The following KIF21A variants were observed in gnomAD, a reference collection of about 807,000 sequenced individuals.
KIF21A encodes kinesin-like protein KIF21A.
In KIF21A, 114 loss-of-function variants were observed where a neutral mutation model predicts 202.9. The observed-to-expected ratio is 0.56, with a 90% CI of 0.48 to 0.66. The LOEUF (loss-of-function observed/expected upper bound fraction) is 0.66, where lower values mean the gene tolerates loss of function less well. Among genes scored for constraint, KIF21A ranks in the 30% least tolerant of loss-of-function variants. KIF21A has a pLI of 0.00. For missense variants in KIF21A, 1,677 were observed against 1,994.9 expected, an observed-to-expected ratio of 0.84 and a Z score of 3.04; for synonymous variants, 667 against 670.8, an observed-to-expected ratio of 0.99 and a Z score of 0.09.
At chr12:39,390,178 T>C (rs1951245188) in intron 1 of KIF21A, among the ~76,000 whole-genome samples, 1 of 152,184 alleles carries the variant, frequency 6.6e-6, no homozygotes, top group Non-Finnish European at 1.5e-5. Flanking sequence ...CTATGGAAAC[T>C]ATTCAAAATG....
At chr12:39,315,180 C>T (rs772854706) in intron 31 of KIF21A, 49 bp downstream of exon 31, 29 of 1,568,704 alleles carry the variant, frequency 1.8e-5, no homozygotes, top group South Asian at 3.3e-5. Context: ...CCTGTAAGGT[C>T]TTTTGATACT....
At chr12:39,413,137 C>G (rs1028487154) in intron 1 of KIF21A, among the ~76,000 whole-genome samples, 1 of 152,134 alleles carries the variant, frequency 6.6e-6, no homozygotes, top group Admixed American at 6.5e-5. Flanking sequence ...GGTCAAACAT[C>G]CACTTAATTT....
chr12:39,413,168 T>C (rs1024654895), intron 1 of KIF21A, among the ~76,000 whole-genome samples: 7 of 152,226 alleles, frequency 4.6e-5, no homozygotes, highest in African/African-American at 1.7e-4. Context: ...ACTGAACTTC[T>C]TCTTTATAAA....
intron 1 of KIF21A, among the ~76,000 whole-genome samples, chr12:39,373,615 A>G (rs1452293714): frequency 6.6e-6 from 1 of 152,208 alleles, no homozygotes; most frequent in Non-Finnish European, 1.5e-5. Context: ...ACTACTTAAT[A>G]TCAGTGTGCC....
At chr12:39,438,833 A>G (rs1028936846) in intron 1 of KIF21A, among the ~76,000 whole-genome samples, 2 of 152,208 alleles carry the variant, frequency 1.3e-5, no homozygotes, top group Non-Finnish European at 2.9e-5. Context: ...TAAGGAAGAG[A>G]AAGGAACACA....
At chr12:39,440,877 G>A (rs1275832909) in intron 1 of KIF21A, among the ~76,000 whole-genome samples, 1 of 152,016 alleles carries the variant, frequency 6.6e-6, no homozygotes, top group Non-Finnish European at 1.5e-5. Flanking sequence ...TAGCCAAGCA[G>A]TGTGGCACAT....
chr12:39,298,007 A>G (rs1191985638), intron 37 of KIF21A, among the ~76,000 whole-genome samples: 1 of 151,930 alleles, frequency 6.6e-6, no homozygotes, highest in Non-Finnish European at 1.5e-5. Context: ...ACTACTAGCC[A>G]TGACAGAGTA....
chr12:39,341,908 G>T, intron 13 of KIF21A, 126 bp downstream of exon 13: 2 of 742,634 alleles, frequency 2.7e-6, no homozygotes, highest in South Asian at 3.1e-5. Flanking sequence ...CATCTTCAAA[G>T]AAATAGATTA....
chr12:39,311,408 T>C lies in KIF21A; in HGVS notation c.4096+9A>G. On this transcript the variant is annotated intron_variant, in intron 32 of 37. Coordinates refer to ENST00000361418, the MANE Select transcript of KIF21A (RefSeq NM_001173464.2). ...CTATTAAATATCTGCATTAGATAAC[T>C]ACTAGCACCTTTTGATCCAGTGAAG... The C allele has an allele frequency of 6.2e-7, 1 of 1,612,046 alleles. No individual in the cohort carries two copies. Among genetic ancestry groups the C allele is most frequent in the Non-Finnish European group, 8.5e-7 (1 of 1,178,370 alleles).
At position 39,307,563 on chromosome 12, in the gene KIF21A, A is replaced by G; in HGVS notation, c.4442+2T>C. The G allele has an allele frequency of 1.2e-6, 2 of 1,613,470 alleles. No individual in the cohort carries two copies. Among genetic ancestry groups the G allele is most frequent in the East Asian group, 2.2e-5 (1 of 44,856 alleles). ...GAGGTATGTTTTCTTAAAAATATCT[A>G]CCTTTTAAGATCCCACATCCTGACA... On this transcript the variant is annotated splice_donor_variant, in intron 34 of 37. Transcript: ENST00000361418. LOFTEE classifies it high-confidence loss of function.
At position 39,416,633 on chromosome 12, in the gene KIF21A, A is replaced by G. The variant is rs112856702; in HGVS notation, c.44+26294T>C. Among the ~76,000 whole-genome samples the G allele has an allele frequency of 2.7e-3, 252 of 92,240 alleles. 5 individuals carry two copies. Among genetic ancestry groups the G allele is most frequent in the African/African-American group, 8.9e-3 (188 of 21,176 alleles). 60.5% of individuals were successfully genotyped at this position (92,240 alleles called of 152,430 possible). On this transcript the variant is annotated intron_variant, in intron 1 of 37. Transcript: ENST00000361418. Reference sequence around the variant, plus strand: ...TATATATATGTACATATATATGTGTATATATATATATGTACATATATATGT... The same window carrying G: ...TATATATATGTACATATATATGTGTGTATATATATATGTACATATATATGT...
At position 39,340,327 on chromosome 12, in the gene KIF21A, T is replaced by C. The variant is rs756413250; in HGVS notation, c.2148A>G (p.Lys716=). The part of the protein sequence containing the change: ...VESYSEEKAK[K]VRSEYEKKLQ... The stretch of plus-strand genomic sequence containing the variant: ...GTTTCTTTTCATATTCAGACCTAAC[T>C]TTTTTTGCTTTTTCTTCTGAGTAAG... The change falls in exon 16 of 38, where the codon AAA becomes AAG. Residue 716 remains lysine (K), a synonymous_variant. Transcript: ENST00000361418. 10 of 1,609,938 alleles carry C rather than the reference T, an allele frequency of 6.2e-6. No individual in the cohort carries two copies. In the Admixed American group the frequency reaches 1.5e-4, roughly 24 times the overall value.
At chr12:39,366,901 T>C in intron 5 of KIF21A, 129 bp downstream of exon 5, 3 of 927,030 alleles carry the variant, frequency 3.2e-6, no homozygotes, top group South Asian at 1.5e-5. Flanking sequence ...TTAACTAGGA[T>C]CAGAAAAGGA....
intron 1 of KIF21A, among the ~76,000 whole-genome samples, chr12:39,399,176 A>G (rs1276249781): frequency 6.6e-6 from 1 of 152,262 alleles, no homozygotes; most frequent in East Asian, 1.9e-4. Context: ...CCAAGATCAC[A>G]GCAAGATTCC....
intron 1 of KIF21A, among the ~76,000 whole-genome samples, chr12:39,399,713 C>T (rs1376858729): frequency 6.6e-6 from 1 of 152,176 alleles, no homozygotes; most frequent in African/African-American, 2.4e-5. Flanking sequence ...GCCAGGCATA[C>T]TTGCCCCTGT....
intron 36 of KIF21A, among the ~76,000 whole-genome samples, chr12:39,302,311 T>A (rs1943038063): frequency 6.6e-6 from 1 of 150,552 alleles, no homozygotes. Flanking sequence ...ATTTTTCTAT[T>A]AATATTTATG....
Position 39,332,090 on chromosome 12 carries a change from C to G in KIF21A, c.3051+124G>C, listed in dbSNP as rs1045189290. ...GCAGGAAGTGGCATACATGTAAAAC[C>G]TAAGCATTAGATTAGACCAGGAAAT... On this transcript the variant is annotated intron_variant, in intron 21 of 37. Coordinates refer to ENST00000361418, the MANE Select transcript of KIF21A (RefSeq NM_001173464.2). 35 of 889,016 alleles carry G rather than the reference C, an allele frequency of 3.9e-5. No individual in the cohort carries two copies. In the Admixed American group the frequency reaches 6.7e-4, roughly 17 times the overall value. The allele number at this position is 889,016 out of a possible 1,614,324, so 55.1% of individuals were successfully genotyped here.
In KIF21A at chr12:39,443,082, C is replaced by G; in HGVS notation, c.-112G>C. ...GCTGGGGCGTCTGCGGGCGGGCGGCCGGCTCACCTCCGCCGCGCTCCAGCC... is the reference window on the plus strand; with the variant it reads ...GCTGGGGCGTCTGCGGGCGGGCGGCGGGCTCACCTCCGCCGCGCTCCAGCC... On this transcript the variant is annotated 5_prime_UTR_variant, in exon 1 of 38. Coordinates refer to ENST00000361418, the MANE Select transcript of KIF21A (RefSeq NM_001173464.2). 2 of 1,087,374 alleles carry G rather than the reference C, an allele frequency of 1.8e-6. No individual in the cohort carries two copies. Among genetic ancestry groups the G allele is most frequent in the Non-Finnish European group, 2.5e-6 (2 of 812,428 alleles). The allele number at this position is 1,087,374 out of a possible 1,614,324, so 67.4% of individuals were successfully genotyped here. A position where few individuals can be genotyped will look rare whatever the true frequency, so the allele number is the denominator to read the frequency against.
intron 32 of KIF21A, 44 bp downstream of exon 32, chr12:39,311,372 TA>T (rs78152306): frequency 1.6e-4 from 242 of 1,518,794 alleles, no homozygotes; most frequent in Middle Eastern, 4.3e-4. Flanking sequence ...TAATTTTTTT[TA>T]AAAAAAAAGC....
Sources: gnomAD v4.1 joint callset for allele counts (sites outside exome capture counted in the v4.1 genomes callset) on GRCh38, gnomAD v4.1.1 for gene constraint, MANE v1.5 for transcripts, NCBI Gene and HGNC (gene_info 2026-07-23, HGNC 2026-07-21) for gene names.